Variants in MEIS2 observed in about 807,000 individuals in gnomAD.
MEIS2 encodes the protein Meis homeobox 2, also known as homeobox protein Meis2.
Under a neutral mutation model 58.6 loss-of-function variants are expected in MEIS2, and 9 were observed. The observed-to-expected ratio is 0.15, with a 90% CI of 0.09 to 0.27. The LOEUF (loss-of-function observed/expected upper bound fraction) is 0.27. Among genes scored for constraint, MEIS2 ranks in the 10% least tolerant of loss-of-function variants. The pLI is 1.00. For synonymous variants in MEIS2, 221 were observed against 228.4 expected, an observed-to-expected ratio of 0.97 and a Z score of 0.29; for missense variants, 427 against 635.0, an observed-to-expected ratio of 0.67 and a Z score of 3.52.
intron 8 of MEIS2, among the ~76,000 whole-genome samples, chr15:36,958,486 G>A (rs377705424): frequency 1.5e-4 from 23 of 152,282 alleles, no homozygotes; most frequent in African/African-American, 5.5e-4. Flanking sequence ...ACAGAATCAA[G>A]TGAGTTTATA....
intron 8 of MEIS2, among the ~76,000 whole-genome samples, chr15:36,988,381 T>C (rs1283580558): frequency 2.0e-5 from 3 of 152,244 alleles, no homozygotes; most frequent in Non-Finnish European, 4.4e-5. Context: ...TTTATCTATT[T>C]CTTAATTGTA....
chr15:36,931,081 T>A (rs1354895967), intron 9 of MEIS2, among the ~76,000 whole-genome samples: 1 of 152,176 alleles, frequency 6.6e-6, no homozygotes, highest in Non-Finnish European at 1.5e-5. Flanking sequence ...TCCTAGAAAA[T>A]TTCCTTTCAC....
At chr15:37,009,240 G>A (rs1252953370) in intron 8 of MEIS2, among the ~76,000 whole-genome samples, 1 of 152,074 alleles carries the variant, frequency 6.6e-6, no homozygotes, top group Non-Finnish European at 1.5e-5. Flanking sequence ...AGTGAGCCGA[G>A]ATCGCGCCAC....
rs1023156064 is a variant in MEIS2, at chr15:37,023,916, T to C, written c.900+12898A>G. Among the ~76,000 whole-genome samples the C allele has an allele frequency of 1.3e-3, 181 of 141,274 alleles. 1 individual carries two copies. The highest frequency in any genetic ancestry group is 2.0e-3 in the Non-Finnish European group (133 of 65,612). The allele number at this position is 141,274 out of a possible 152,430, so 92.7% of individuals were successfully genotyped here. ...ACTGGCCTCCTTTTCTCTCTCTTTT[T>C]TTTTTTTTTTTTTTTTTGATGGAGT... On this transcript the variant is annotated intron_variant, in intron 8 of 11. Transcript: ENST00000561208.
chr15:37,087,198 A>G (rs936491893), intron 6 of MEIS2, among the ~76,000 whole-genome samples: 2 of 152,188 alleles, frequency 1.3e-5, no homozygotes, highest in African/African-American at 4.8e-5. Context: ...CCAGCCAAAA[A>G]AATCATGAAG....
At chr15:36,933,621 C>T (rs537676427) in intron 9 of MEIS2, among the ~76,000 whole-genome samples, 4 of 148,968 alleles carry the variant, frequency 2.7e-5, no homozygotes, top group Admixed American at 1.3e-4. Context: ...GGGCGGGGGG[C>T]GGAAATTTGG....
chr15:37,020,792 C>T (rs2061500687), intron 8 of MEIS2, among the ~76,000 whole-genome samples: 1 of 151,730 alleles, frequency 6.6e-6, no homozygotes, highest in Admixed American at 6.6e-5. Context: ...TTTCCATACA[C>T]ATAATTCCAT....
rs536208754 is a variant in MEIS2 at position 36,976,466 on chromosome 15, A to G, written c.901-26066T>C. 2.8e-4 allele frequency among the ~76,000 whole-genome samples: 42 copies of G among 148,892 alleles called. No homozygotes were observed. In the Middle Eastern group the frequency reaches 0.011, roughly 38 times the overall value. ...TTCTTCTGGGCAGAACTATATCCATATGTATATTATATTATATTATTATAT... is the reference window on the plus strand; with the variant it reads ...TTCTTCTGGGCAGAACTATATCCATGTGTATATTATATTATATTATTATAT... On this transcript the variant is annotated intron_variant, in intron 8 of 11. Coordinates refer to ENST00000561208, the MANE Select transcript of MEIS2 (RefSeq NM_170675.5).
At chr15:36,977,654 G>T (rs1369682440) in intron 8 of MEIS2, among the ~76,000 whole-genome samples, 1 of 152,158 alleles carries the variant, frequency 6.6e-6, no homozygotes, top group Non-Finnish European at 1.5e-5. Flanking sequence ...TATTAACTTA[G>T]CCACAAAAGG....
At chr15:37,043,198 G>C (rs2062505941) in intron 7 of MEIS2, among the ~76,000 whole-genome samples, 1 of 152,104 alleles carries the variant, frequency 6.6e-6, no homozygotes, top group Non-Finnish European at 1.5e-5. Flanking sequence ...CCTAGTTCTA[G>C]ACCAGGTTTA....
At chr15:36,920,063 GA>G (rs1218663779) in intron 9 of MEIS2, among the ~76,000 whole-genome samples, 4 of 152,152 alleles carry the variant, frequency 2.6e-5, no homozygotes, top group Admixed American at 1.3e-4. Context: ...AGAAAAACAA[GA>G]AGAAATGGAG....
rs1567126001 is a variant in MEIS2, at chr15:36,971,536, T to TAAAAAAAAAAAAAAAAAAAAAAA, written c.901-21137_901-21136insTTTTTTTTTTTTTTTTTTTTTTT. Among the ~76,000 whole-genome samples, 145 of 65,414 alleles carry TAAAAAAAAAAAAAAAAAAAAAAA rather than the reference T, an allele frequency of 2.2e-3. 34 individuals carry two copies. The highest frequency in any genetic ancestry group is 0.012 in the Middle Eastern group (1 of 82). 42.9% of individuals were successfully genotyped at this position (65,414 alleles called of 152,430 possible). A position where few individuals can be genotyped will look rare whatever the true frequency, so the allele number is the denominator to read the frequency against. ...TGTATTACTTGTATGCCTTGTTACA[T>TAAAAAAAAAAAAAAAAAAAAAAA]TAAAAAAAAAAAAAAAAAAAAAAAA... On this transcript the variant is annotated intron_variant, in intron 8 of 11. Transcript: ENST00000561208.
chr15:36,949,705 T>C (rs1451188359), intron 9 of MEIS2, among the ~76,000 whole-genome samples: 1 of 151,994 alleles, frequency 6.6e-6, no homozygotes, highest in Non-Finnish European at 1.5e-5. Context: ...TCTTGGCCAC[T>C]GTGATCATTT....
At chr15:37,096,709 C>A (rs1050378713) in intron 2 of MEIS2, among the ~76,000 whole-genome samples, 2 of 152,072 alleles carry the variant, frequency 1.3e-5, no homozygotes, top group African/African-American at 2.4e-5. Context: ...TCAGTTGGAA[C>A]GTAATGAAAC....
intron 8 of MEIS2, among the ~76,000 whole-genome samples, chr15:37,023,903 T>TTC (rs200060295): frequency 2.2e-5 from 3 of 134,164 alleles, no homozygotes; most frequent in Non-Finnish European, 4.7e-5. Context: ...TGGCCTCCTT[T>TTC]TCTCTCTCTT....
chr15:37,014,285 T>C (rs1025567132), intron 8 of MEIS2, among the ~76,000 whole-genome samples: 1 of 152,168 alleles, frequency 6.6e-6, no homozygotes, highest in South Asian at 2.1e-4. Flanking sequence ...ATCTCCCAAA[T>C]TGCCAAACTA....
intron 8 of MEIS2, among the ~76,000 whole-genome samples, chr15:36,967,944 A>G (rs1172831644): frequency 6.6e-6 from 1 of 152,200 alleles, no homozygotes; most frequent in Non-Finnish European, 1.5e-5. Context: ...ACTTGCTGCT[A>G]TGAACTCCCC....
intron 9 of MEIS2, among the ~76,000 whole-genome samples, chr15:36,911,257 A>G (rs879473655): frequency 4.0e-5 from 6 of 149,190 alleles, no homozygotes; most frequent in East Asian, 2.0e-4. Flanking sequence ...CCGAAGAATA[A>G]TCTTAAGAAT....
intron 8 of MEIS2, among the ~76,000 whole-genome samples, chr15:36,972,065 T>C (rs1046791160): frequency 2.6e-5 from 4 of 152,290 alleles, no homozygotes; most frequent in Admixed American, 2.6e-4. Flanking sequence ...ACAGAAACTA[T>C]AAATGTAAAA....
Sources: gnomAD v4.1 joint callset for allele counts (sites outside exome capture counted in the v4.1 genomes callset) on GRCh38, gnomAD v4.1.1 for gene constraint, MANE v1.5 for transcripts, NCBI Gene and HGNC (gene_info 2026-07-23, HGNC 2026-07-21) for gene names.